Variants in GNL3L observed in about 807,000 individuals in gnomAD.
The protein encoded by GNL3L is G protein nucleolar 3 like, also known as guanine nucleotide-binding protein-like 3-like protein.
In GNL3L, 4 loss-of-function variants were observed where a neutral mutation model predicts 42.9. That is an observed-to-expected ratio of 0.09 (90% CI 0.05 to 0.21). The LOEUF (loss-of-function observed/expected upper bound fraction) is 0.21, where lower values mean the gene tolerates loss of function less well. GNL3L is among the 10% of genes least tolerant of loss of function. The pLI, the probability that GNL3L is intolerant of heterozygous loss-of-function variation, is 1.00. For synonymous variants in GNL3L, 159 were observed against 176.3 expected (o/e 0.90, Z 0.78); for missense variants, 412 against 481.7 (o/e 0.86, Z 1.36).
chrX:54,569,217 G>A (rs781356861), downstream of GNL3L, among the ~76,000 whole-genome samples: 6 of 111,757 alleles, frequency 5.4e-5, no homozygotes, highest in African/African-American at 1.3e-4. Context: ...CTTTGGTATC[G>A]GGGTAATGCT....
At position 54,532,556 on chromosome X, in the gene GNL3L, A is replaced by G; in HGVS notation, c.-11A>G. ...GCAGATTTGAACCTATCTGCTTTCA[A>G]GCTGGTCATCATGATGAAACTTAGA... On this transcript the variant is annotated 5_prime_UTR_variant, in exon 2 of 16. Coordinates refer to ENST00000360845, the MANE Select transcript of GNL3L (RefSeq NM_001184819.2). 1.7e-6 allele frequency: 2 copies of G among 1,189,667 alleles called. No homozygotes were observed. Among genetic ancestry groups the G allele is most frequent in the Non-Finnish European group, 2.3e-6 (2 of 875,287 alleles).
chrX:54,596,045 A>G (rs1925927198), intron 16 of GNL3L, among the ~76,000 whole-genome samples: 1 of 111,937 alleles, frequency 8.9e-6, no homozygotes, highest in South Asian at 3.7e-4. Context: ...TCATCTGGTA[A>G]GCTAAATGAT....
intron 16 of GNL3L, among the ~76,000 whole-genome samples, chrX:54,598,584 G>A (rs1439794824): frequency 9.0e-6 from 1 of 111,640 alleles, no homozygotes; most frequent in Non-Finnish European, 1.9e-5. Flanking sequence ...TTTCAGACAG[G>A]ACCTTAAAAT....
chrX:54,549,761 C>T (rs978671582), intron 9 of GNL3L, among the ~76,000 whole-genome samples: 22 of 112,135 alleles, frequency 2.0e-4, no homozygotes, highest in Non-Finnish European at 3.6e-4. Flanking sequence ...CTTTGACCCT[C>T]GAACATAATC....
chrX:54,602,607 A>G (rs1292568244), intron 16 of GNL3L, among the ~76,000 whole-genome samples: 1 of 111,419 alleles, frequency 9.0e-6, no homozygotes, highest in Non-Finnish European at 1.9e-5. Flanking sequence ...TGTCACTCCC[A>G]CCATTAGGTT....
At chrX:54,621,738 T>A (rs955472324), downstream of GNL3L, among the ~76,000 whole-genome samples, 1 of 110,332 alleles carries the variant, frequency 9.1e-6, no homozygotes, top group African/African-American at 3.3e-5. Context: ...CCCAGGAGGT[T>A]GAGGCTGCAG....
intron 9 of GNL3L, among the ~76,000 whole-genome samples, chrX:54,548,831 G>T (rs909242915): frequency 6.3e-5 from 7 of 111,377 alleles, no homozygotes; most frequent in African/African-American, 2.3e-4. Context: ...GAAAGAATGT[G>T]AAGCCACGTG....
At chrX:54,578,876 C>T (rs1040566291) in intron 16 of GNL3L, among the ~76,000 whole-genome samples, 3 of 112,412 alleles carry the variant, frequency 2.7e-5, no homozygotes, top group Non-Finnish European at 5.6e-5. Context: ...TTCACCAGCA[C>T]TAACTAGTGT....
In GNL3L at chrX:54,558,665, C is replaced by G. The variant is rs1285040577; in HGVS notation, c.1666+10C>G. Reference sequence around the variant, plus strand: ...ATGCAGAAACGTGCAGGTGGGAGCCCCAGACCAACCCTGTGCTCTGAAAGG... The same window carrying G: ...ATGCAGAAACGTGCAGGTGGGAGCCGCAGACCAACCCTGTGCTCTGAAAGG... On this transcript the variant is annotated intron_variant, in intron 15 of 15. Coordinates refer to ENST00000360845, the MANE Select transcript of GNL3L (RefSeq NM_001184819.2). 7.0e-6 allele frequency: 8 copies of G among 1,139,456 alleles called. No individual in the cohort carries two copies. Among genetic ancestry groups the G allele is most frequent in the Non-Finnish European group, 9.6e-6 (8 of 835,685 alleles). 93.9% of individuals were successfully genotyped at this position (1,139,456 alleles called of 1,213,427 possible).
the GNL3L span, among the ~76,000 whole-genome samples, chrX:54,637,530 C>T: frequency 8.9e-6 from 1 of 111,963 alleles, no homozygotes; most frequent in East Asian, 2.8e-4. Context: ...AATGTTATGC[C>T]AGTAGTTCCC....
the GNL3L span, among the ~76,000 whole-genome samples, chrX:54,636,155 T>C: frequency 2.7e-5 from 3 of 112,031 alleles, no homozygotes; most frequent in Admixed American, 2.8e-4. Context: ...GAATACTTTA[T>C]GTCAGTCTTT....
chrX:54,600,878 T>C (rs1925998469), intron 16 of GNL3L, among the ~76,000 whole-genome samples: 1 of 112,023 alleles, frequency 8.9e-6, no homozygotes, highest in Admixed American at 9.5e-5. Flanking sequence ...TAAAAACATA[T>C]GTCCAGACAA....
Position 54,565,857 on chromosome X carries a change from C to T in GNL3L, c.*5255C>T, listed in dbSNP as rs1925413017. On this transcript the variant is annotated 3_prime_UTR_variant, in exon 16 of 16. Coordinates refer to ENST00000360845, the MANE Select transcript of GNL3L (RefSeq NM_001184819.2). Reference sequence around the variant, plus strand: ...TTTTTTTTTTTTTTGAAACAGAGTCCTCACCCAGGTTGGAGTGTAGTGGTG... The same window carrying T: ...TTTTTTTTTTTTTTGAAACAGAGTCTTCACCCAGGTTGGAGTGTAGTGGTG... Among the ~76,000 whole-genome samples, 1 of 94,587 alleles carries T rather than the reference C, an allele frequency of 1.1e-5. No homozygotes were observed. The highest frequency in any genetic ancestry group is 4.3e-5 in the African/African-American group (1 of 22,998). The allele number at this position is 94,587 out of a possible 115,157, so 82.1% of individuals were successfully genotyped here.
At position 54,548,836 on chromosome X, in the gene GNL3L, C is replaced by A. The variant is rs1187381214; in HGVS notation, c.775+463C>A. On this transcript the variant is annotated intron_variant, in intron 9 of 15. Transcript: ENST00000360845. ...GATCACCAGAGAAAGAATGTGAAGC[C>A]ACGTGAGAAAGACATTGGAGAGAGA... Among the ~76,000 whole-genome samples, 3 of 110,844 alleles carry A rather than the reference C, an allele frequency of 2.7e-5. No individual in the cohort carries two copies. In the East Asian group the frequency reaches 8.6e-4, roughly 32 times the overall value.
At chrX:54,641,325 T>A in the GNL3L span, among the ~76,000 whole-genome samples, 1 of 111,514 alleles carries the variant, frequency 9.0e-6, no homozygotes, top group Middle Eastern at 4.6e-3. Context: ...TCCTGTATAA[T>A]GAAATTTCAT....
At chrX:54,642,272 A>G in the GNL3L span, among the ~76,000 whole-genome samples, 4 of 112,097 alleles carry the variant, frequency 3.6e-5, no homozygotes, top group Non-Finnish European at 7.5e-5. Context: ...CTGGTCTGTC[A>G]GATTCTCTTA....
intron 8 of GNL3L, among the ~76,000 whole-genome samples, chrX:54,547,046 GGGTGC>G (rs1360163261): frequency 7.9e-5 from 8 of 100,804 alleles, no homozygotes; most frequent in Non-Finnish European, 1.4e-4. Flanking sequence ...TCCCAGGCTG[GGGTGC>G]ACTGGTGCAA....
chrX:54,548,925 G>A (rs971822615), intron 9 of GNL3L, among the ~76,000 whole-genome samples: 1 of 111,248 alleles, frequency 9.0e-6, no homozygotes, highest in African/African-American at 3.3e-5. Flanking sequence ...CACAGAGAAC[G>A]CACTGGGAAG....
At chrX:54,633,031 T>G in the GNL3L span, among the ~76,000 whole-genome samples, 1 of 110,995 alleles carries the variant, frequency 9.0e-6, no homozygotes, top group Admixed American at 9.6e-5. Flanking sequence ...TGATTGTTAT[T>G]GTTCTTCTTC....
Sources: allele counts gnomAD v4.1 joint callset (sites outside exome capture counted in the v4.1 genomes callset), GRCh38; gene constraint gnomAD v4.1.1; transcripts MANE v1.5; gene names NCBI Gene and HGNC (gene_info 2026-07-23, HGNC 2026-07-21).